The following SND1 variants were observed in gnomAD, a reference collection of about 807,000 sequenced individuals.
The protein encoded by SND1 is staphylococcal nuclease and tudor domain containing 1.
A neutral mutation model predicts 121.7 loss-of-function variants in SND1; 38 were observed. That is an observed-to-expected ratio of 0.31 (90% CI 0.24 to 0.41). SND1 has a LOEUF of 0.41. SND1 is among the 10% of genes least tolerant of loss of function. The pLI, the probability that SND1 is intolerant of heterozygous loss-of-function variation, is 1.00. For missense variants in SND1, 868 were observed against 1,184.6 expected, an observed-to-expected ratio of 0.73 and a Z score of 3.92; for synonymous variants, 401 against 447.4, an observed-to-expected ratio of 0.90 and a Z score of 1.31.
chr7:128,087,444 GAA>G (rs2117068235), intron 21 of SND1, among the ~76,000 whole-genome samples: 1 of 152,328 alleles, frequency 6.6e-6, no homozygotes, highest in South Asian at 2.1e-4. Flanking sequence ...ATTTCTAGGA[GAA>G]GTGTGACATG....
At chr7:127,809,061 T>C (rs1798290219) in intron 11 of SND1, among the ~76,000 whole-genome samples, 1 of 152,200 alleles carries the variant, frequency 6.6e-6, no homozygotes, top group East Asian at 1.9e-4. Context: ...GGACCATAGA[T>C]CATAGCTTAT....
At chr7:127,861,004 G>C (rs1272875448) in intron 12 of SND1, among the ~76,000 whole-genome samples, 1 of 152,092 alleles carries the variant, frequency 6.6e-6, no homozygotes, top group African/African-American at 2.4e-5. Context: ...TAATTATTTG[G>C]CAGGCTTTAA....
chr7:127,842,522 C>G (rs1455505024), intron 11 of SND1, among the ~76,000 whole-genome samples: 2 of 152,150 alleles, frequency 1.3e-5, no homozygotes, highest in African/African-American at 2.4e-5. Context: ...AAGGATTCAT[C>G]TAGTCCATTC....
rs1587610393 is a variant in SND1 at position 127,707,458 on chromosome 7, A to G, written c.948-99A>G. 1.5e-5 allele frequency: 13 copies of G among 853,004 alleles called. No homozygotes were observed. In the East Asian group the frequency reaches 1.7e-4, roughly 11 times the overall value. The allele number at this position is 853,004 out of a possible 1,614,324, so 52.8% of individuals were successfully genotyped here. ...GGTAGTCTTTCTTCTGGATACATCT[A>G]TAGGGTAGAGTAGGATGCTGCACCA... On this transcript the variant is annotated intron_variant, in intron 8 of 23. Coordinates refer to ENST00000354725, the MANE Select transcript of SND1 (RefSeq NM_014390.4).
chr7:127,699,342 C>T (rs946021879), intron 4 of SND1, among the ~76,000 whole-genome samples: 16 of 152,120 alleles, frequency 1.1e-4, no homozygotes, highest in Admixed American at 3.9e-4. Flanking sequence ...CTTCTGCTGA[C>T]GTTTTAATGG....
intron 10 of SND1, among the ~76,000 whole-genome samples, chr7:127,741,476 C>CA (rs1796881306): frequency 6.6e-6 from 1 of 152,104 alleles, no homozygotes; most frequent in Non-Finnish European, 1.5e-5. Flanking sequence ...GCCCAGGCCT[C>CA]AACTAAAATA....
chr7:127,887,152 C>A (rs1799925120), intron 12 of SND1, among the ~76,000 whole-genome samples: 1 of 152,092 alleles, frequency 6.6e-6, no homozygotes, highest in African/African-American at 2.4e-5. Context: ...CACCACCACA[C>A]TCGGCTAATT....
At chr7:127,939,148 C>A (rs551856639) in intron 15 of SND1, among the ~76,000 whole-genome samples, 1 of 152,078 alleles carries the variant, frequency 6.6e-6, no homozygotes, top group South Asian at 2.1e-4. Context: ...AAATACAGAA[C>A]GCAGAGAGGA....
chr7:127,837,215 C>T (rs1458185080), intron 11 of SND1, among the ~76,000 whole-genome samples: 1 of 152,036 alleles, frequency 6.6e-6, no homozygotes, highest in African/African-American at 2.4e-5. Context: ...AAGACTTGTG[C>T]CTTAACTGAT....
chr7:128,022,539 C>T (rs1476944938), intron 16 of SND1, among the ~76,000 whole-genome samples: 1 of 152,216 alleles, frequency 6.6e-6, no homozygotes, highest in Non-Finnish European at 1.5e-5. Context: ...CCCCCACAGG[C>T]CTAGGCCAAA....
chr7:127,885,622 C>A (rs1799889693), intron 12 of SND1, among the ~76,000 whole-genome samples: 1 of 152,040 alleles, frequency 6.6e-6, no homozygotes, highest in African/African-American at 2.4e-5. Context: ...CTTGGTTTTT[C>A]CCGGCCAGGC....
chr7:127,652,943 TC>T (rs1759351643), intron 1 of SND1, among the ~76,000 whole-genome samples: 1 of 152,196 alleles, frequency 6.6e-6, no homozygotes, highest in African/African-American at 2.4e-5. Context: ...TTCCTCTCTT[TC>T]CCTCCACCTC....
intron 16 of SND1, among the ~76,000 whole-genome samples, chr7:128,035,860 A>T (rs1381345823): frequency 6.6e-6 from 1 of 152,178 alleles, no homozygotes; most frequent in Admixed American, 6.5e-5. Flanking sequence ...GTAAAGCCCA[A>T]GGCTAGACCA....
At chr7:127,725,519 A>T (rs998377188) in intron 10 of SND1, among the ~76,000 whole-genome samples, 2 of 152,208 alleles carry the variant, frequency 1.3e-5, no homozygotes, top group African/African-American at 4.8e-5. Context: ...CAAGGAAAAC[A>T]TCAAGGGCAT....
intron 15 of SND1, among the ~76,000 whole-genome samples, chr7:127,944,795 G>A (rs1304037194): frequency 6.6e-6 from 1 of 152,126 alleles, no homozygotes; most frequent in African/African-American, 2.4e-5. Flanking sequence ...TCAGATAAGG[G>A]GTAGTGTTTA....
intron 12 of SND1, among the ~76,000 whole-genome samples, chr7:127,886,584 C>T (rs1799913476): frequency 6.6e-6 from 1 of 152,108 alleles, no homozygotes; most frequent in Non-Finnish European, 1.5e-5. Flanking sequence ...CAAAGAAAGA[C>T]ATAACCACCA....
At position 127,652,278 on chromosome 7, in the gene SND1, G is replaced by A; in HGVS notation, c.-96G>A. 1 of 1,028,848 alleles carries A rather than the reference G, an allele frequency of 9.7e-7. No homozygotes were observed. The highest frequency in any genetic ancestry group is 1.5e-6 in the Non-Finnish European group (1 of 670,390). 63.7% of individuals were successfully genotyped at this position (1,028,848 alleles called of 1,614,324 possible). A position where few individuals can be genotyped will look rare whatever the true frequency, so the allele number is the denominator to read the frequency against. On this transcript the variant is annotated 5_prime_UTR_variant, in exon 1 of 24. Coordinates refer to ENST00000354725, the MANE Select transcript of SND1 (RefSeq NM_014390.4). ...ACCGTCCGCAGCTGGTAGCCAGCCT[G>A]CCCCTCGCCTCGACTCCCTTTCACC... is the stretch of plus-strand genomic sequence containing the variant.
At position 128,038,402 on chromosome 7, in the gene SND1, A is replaced by T. The variant is rs117140335; in HGVS notation, c.1780-36100A>T. Among the ~76,000 whole-genome samples, 141 of 152,346 alleles carry T rather than the reference A, an allele frequency of 9.3e-4. 1 individual carries two copies. The East Asian group carries it at 0.024, about 26-fold the overall frequency. On this transcript the variant is annotated intron_variant, in intron 16 of 23. Coordinates refer to ENST00000354725, the MANE Select transcript of SND1 (RefSeq NM_014390.4). Reference sequence around the variant, plus strand: ...TATAGGTTAGTTGTTTAAGCCCCAGATTCTTCACGTGTAAAGTGGGATTAA... The same window carrying T: ...TATAGGTTAGTTGTTTAAGCCCCAGTTTCTTCACGTGTAAAGTGGGATTAA...
intron 10 of SND1, among the ~76,000 whole-genome samples, chr7:127,783,536 A>G (rs575576530): frequency 6.8e-4 from 104 of 152,286 alleles, no homozygotes; most frequent in Non-Finnish European, 6.3e-4. Context: ...ATTAATACCT[A>G]TGATTAGAGA....
Sources: gnomAD v4.1 joint callset for allele counts (sites outside exome capture counted in the v4.1 genomes callset) on GRCh38, gnomAD v4.1.1 for gene constraint, MANE v1.5 for transcripts, NCBI Gene and HGNC (gene_info 2026-07-23, HGNC 2026-07-21) for gene names.